PPP2R1B: variants seen among roughly 807,000 people sequenced by gnomAD.
The protein encoded by PPP2R1B is serine/threonine-protein phosphatase 2A 65 kDa regulatory subunit A beta isoform.
In PPP2R1B, 58 loss-of-function variants were observed where a neutral mutation model predicts 72.7. The observed-to-expected ratio is 0.80, with a 90% CI of 0.65 to 0.99. PPP2R1B has a LOEUF of 0.99. Ranked by LOEUF, PPP2R1B falls within the 50% of genes least tolerant of loss-of-function variation. The probability of loss-of-function intolerance (pLI) is 0.00; values close to 1 mark genes in which losing one functional copy is unlikely to be tolerated. For missense variants in PPP2R1B, 695 were observed against 733.6 expected, an observed-to-expected ratio of 0.95 and a Z score of 0.61; for synonymous variants, 256 against 264.6, an observed-to-expected ratio of 0.97 and a Z score of 0.32.
Position 111,739,572 on chromosome 11 carries a change from G to A in PPP2R1B, c.*2024C>T. Reference sequence around the variant, plus strand: ...CTCTCCCTCTCTCAAACAGTTTTAGGGTAGAGAAGTCAATGCTTAGGGCTC... The same window carrying A: ...CTCTCCCTCTCTCAAACAGTTTTAGAGTAGAGAAGTCAATGCTTAGGGCTC... On this transcript the variant is annotated 3_prime_UTR_variant, in exon 15 of 15. Transcript: ENST00000527614. 1 of 985,370 alleles carries A rather than the reference G, an allele frequency of 1.0e-6. No individual in the cohort carries two copies. Among genetic ancestry groups the A allele is most frequent in the Non-Finnish European group, 1.2e-6 (1 of 829,930 alleles). 61.0% of individuals were successfully genotyped at this position (985,370 alleles called of 1,614,324 possible).
rs746005521 is a variant in PPP2R1B at position 111,741,272 on chromosome 11, G to A, written c.*324C>T. 1.7e-6 allele frequency: 2 copies of A among 1,152,916 alleles called. No homozygotes were observed. Among genetic ancestry groups the A allele is most frequent in the Non-Finnish European group, 2.1e-6 (2 of 935,190 alleles). The allele number at this position is 1,152,916 out of a possible 1,614,324, so 71.4% of individuals were successfully genotyped here. ...TCCACACCCTTCCAGGCTTTGTCTGGAACATTATGTGGCTGGTGCCTGATT... is the reference window on the plus strand; with the variant it reads ...TCCACACCCTTCCAGGCTTTGTCTGAAACATTATGTGGCTGGTGCCTGATT... On this transcript the variant is annotated 3_prime_UTR_variant, in exon 15 of 15. Coordinates refer to ENST00000527614, the MANE Select transcript of PPP2R1B (RefSeq NM_002716.5).
intron 13 of PPP2R1B, 170 bp from the exon 14 acceptor site, chr11:111,742,314 CTT>C: frequency 6.0e-5 from 41 of 680,580 alleles, no homozygotes; most frequent in Middle Eastern, 4.2e-4. Context: ...GCAAAATCAG[CTT>C]CAGACAAGGA....
chr11:111,703,599 AT>A, the PPP2R1B span, among the ~76,000 whole-genome samples: 6 of 152,220 alleles, frequency 3.9e-5, no homozygotes, highest in African/African-American at 1.4e-4. Context: ...AGCATCTTAA[AT>A]TCCTTTCTTT....
Position 111,754,976 on chromosome 11 carries a change from T to G in PPP2R1B, c.958+4A>C. The G allele has an allele frequency of 6.3e-7, 1 of 1,598,924 alleles. No homozygotes were observed. Among genetic ancestry groups the G allele is most frequent in the Non-Finnish European group, 8.6e-7 (1 of 1,167,986 alleles). ...ATGTTCCAACATAAATTGAACTCCT[T>G]AACCTTTTACTTTGTGGGCAGCAGC... is the stretch of plus-strand genomic sequence containing the variant. On this transcript the variant is annotated splice_donor_region_variant and intron_variant, in intron 7 of 14. Coordinates refer to ENST00000527614, the MANE Select transcript of PPP2R1B (RefSeq NM_002716.5).
the PPP2R1B span, chr11:111,705,172 G>A: frequency 6.6e-7 from 1 of 1,506,740 alleles, no homozygotes; most frequent in Non-Finnish European, 8.8e-7. The surrounding 1 kb of genome is among the most constrained non-coding windows in gnomAD (Gnocchi z 4.3). Context: ...TCTTATCTGT[G>A]CATGTGCCTG....
chr11:111,749,111 C>T (rs984776132), intron 10 of PPP2R1B, among the ~76,000 whole-genome samples: 9 of 152,130 alleles, frequency 5.9e-5, no homozygotes, highest in African/African-American at 1.7e-4. Flanking sequence ...TCCCAAAGTG[C>T]TGGGATTACA....
downstream of PPP2R1B, chr11:111,726,624 G>T: frequency 3.7e-6 from 1 of 268,060 alleles, no homozygotes; most frequent in Non-Finnish European, 7.2e-6. Context: ...TCAGGTGTTT[G>T]CTCAGCCCTG....
Position 111,766,322 on chromosome 11 carries a change from C to G in PPP2R1B, c.40G>C (p.Ala14Pro). The G allele has an allele frequency of 1.3e-6, 2 of 1,599,758 alleles. No individual in the cohort carries two copies. The highest frequency in any genetic ancestry group is 1.7e-6 in the Non-Finnish European group (2 of 1,174,396). Residue 14 changes from alanine (A) to proline (P), a missense_variant, in exon 1 of 15, where the codon GCG (alanine) becomes CCG (proline). By Grantham distance (27) the Ala-to-Pro change is conservative. Transcript: ENST00000527614. Reference protein sequence around the residue: ...ASELGTGPGAAGGDGDDSLYP... With the variant: ...ASELGTGPGAPGGDGDDSLYP... ...AGCGAATCATCTCCATCTCCACCCGCTGCTCCTGGGCCGGTCCCGAGCTCT... is the reference window on the plus strand; with the variant it reads ...AGCGAATCATCTCCATCTCCACCCGGTGCTCCTGGGCCGGTCCCGAGCTCT...
intron 14 of PPP2R1B, among the ~76,000 whole-genome samples, chr11:111,741,836 G>GT (rs1944530936): frequency 6.6e-6 from 1 of 152,114 alleles, no homozygotes; most frequent in Admixed American, 6.5e-5. Flanking sequence ...TTCCTACCCA[G>GT]TCCTACATGT....
At chr11:111,703,818 A>C in the PPP2R1B span, among the ~76,000 whole-genome samples, 1 of 152,172 alleles carries the variant, frequency 6.6e-6, no homozygotes, top group Non-Finnish European at 1.5e-5. Context: ...TATCAGGTTT[A>C]AGAAAGCCAG....
chr11:111,735,613 C>A (rs976671777), downstream of PPP2R1B, among the ~76,000 whole-genome samples: 1 of 152,218 alleles, frequency 6.6e-6, no homozygotes. Flanking sequence ...TTCAAGGGTG[C>A]CAAGGAGGCG....
chr11:111,745,379 G>A (rs1425253076), intron 11 of PPP2R1B, among the ~76,000 whole-genome samples: 1 of 152,130 alleles, frequency 6.6e-6, no homozygotes, highest in East Asian at 1.9e-4. Context: ...ACACGCTTTA[G>A]ATTTTTATCA....
At chr11:111,736,650 C>A (rs12290492), downstream of PPP2R1B, among the ~76,000 whole-genome samples, 1 of 152,146 alleles carries the variant, frequency 6.6e-6, no homozygotes, top group African/African-American at 2.4e-5. Flanking sequence ...TGAGTGACTG[C>A]GATTCTGGAC....
the PPP2R1B span, among the ~76,000 whole-genome samples, chr11:111,713,796 G>A: frequency 5.9e-5 from 9 of 152,194 alleles, no homozygotes; most frequent in East Asian, 1.4e-3. Context: ...GCGAAACTCC[G>A]TCTCTACTAA....
chr11:111,691,834 C>A, the PPP2R1B span, among the ~76,000 whole-genome samples: 4 of 152,204 alleles, frequency 2.6e-5, no homozygotes, highest in Admixed American at 6.5e-5. Flanking sequence ...AAGACAAAAA[C>A]AGCAGCAGTG....
At chr11:111,755,517 T>C (rs1390650719) in intron 5 of PPP2R1B, 67 bp from the exon 6 acceptor site, 1 of 1,445,042 alleles carries the variant, frequency 6.9e-7, no homozygotes. Flanking sequence ...TGTGGGGTGG[T>C]GCAGGTGTTT....
chr11:111,758,996 G>A (rs1162804716), intron 5 of PPP2R1B, among the ~76,000 whole-genome samples: 2 of 152,168 alleles, frequency 1.3e-5, no homozygotes, highest in Non-Finnish European at 2.9e-5. Context: ...CAGGCAACAT[G>A]CAAATTAAAA....
chr11:111,700,420 A>C, the PPP2R1B span, among the ~76,000 whole-genome samples: 1 of 152,208 alleles, frequency 6.6e-6, no homozygotes, highest in Admixed American at 6.5e-5. Context: ...AGTTGCCTTC[A>C]AGGGTTATAT....
chr11:111,750,846 T>TTG (rs1434940153), intron 10 of PPP2R1B, among the ~76,000 whole-genome samples: 7 of 150,658 alleles, frequency 4.6e-5, no homozygotes, highest in East Asian at 3.9e-4. Flanking sequence ...TTGTTTTGTT[T>TTG]TTTTTTTTTT....
Sources: allele counts gnomAD v4.1 joint callset (sites outside exome capture counted in the v4.1 genomes callset), GRCh38; gene constraint gnomAD v4.1.1; non-coding constraint Gnocchi (gnomAD v3.1); transcripts MANE v1.5; gene names NCBI Gene and HGNC (gene_info 2026-07-23, HGNC 2026-07-21).